The following ADAMTS16 variants were observed in gnomAD, a reference collection of about 807,000 sequenced individuals.
ADAMTS16 encodes A disintegrin and metalloproteinase with thrombospondin motifs 16.
Under a neutral mutation model 145.8 loss-of-function variants are expected in ADAMTS16, and 94 were observed. The observed-to-expected ratio is 0.64, with a 90% CI of 0.55 to 0.77. The LOEUF is 0.77. Ranked by LOEUF, ADAMTS16 falls within the 30% of genes least tolerant of loss-of-function variation. ADAMTS16 has a pLI of 0.00. For missense variants in ADAMTS16, 1,585 were observed against 1,591.5 expected (o/e 1.00, Z 0.07); for synonymous variants, 659 against 604.3 (o/e 1.09, Z -1.33).
chr5:5,201,168 G>C (rs549493330), intron 9 of ADAMTS16, among the ~76,000 whole-genome samples: 2 of 152,216 alleles, frequency 1.3e-5, no homozygotes, highest in East Asian at 1.9e-4. Context: ...GCCATCCGGG[G>C]ACTGAGGACA....
At chr5:5,272,332 G>T (rs549788136) in intron 18 of ADAMTS16, among the ~76,000 whole-genome samples, 2 of 151,462 alleles carry the variant, frequency 1.3e-5, no homozygotes, top group African/African-American at 4.8e-5. Context: ...TTTTATTCTC[G>T]GCTGTTGCTG....
chr5:5,236,269 A>C (rs1737101947), intron 13 of ADAMTS16, among the ~76,000 whole-genome samples: 1 of 151,606 alleles, frequency 6.6e-6, no homozygotes, highest in Non-Finnish European at 1.5e-5. Context: ...TTTCTAAGAC[A>C]GATGAAATTT....
chr5:5,305,072 C>T (rs1579405657), intron 20 of ADAMTS16, among the ~76,000 whole-genome samples: 1 of 77,898 alleles, frequency 1.3e-5, no homozygotes, highest in African/African-American at 4.8e-5. Flanking sequence ...ACCACACACA[C>T]ACACACACAT....
intron 5 of ADAMTS16, 50 bp downstream of exon 5, chr5:5,186,301 G>T (rs1303261510): frequency 2.0e-6 from 2 of 986,972 alleles, no homozygotes; most frequent in Non-Finnish European, 3.0e-6. Flanking sequence ...CACTTCGTAG[G>T]GTGTGTGTGT....
intron 10 of ADAMTS16, among the ~76,000 whole-genome samples, chr5:5,212,823 A>G (rs1736315296): frequency 6.6e-6 from 1 of 152,080 alleles, no homozygotes; most frequent in South Asian, 2.1e-4. Flanking sequence ...CTGTTTTACT[A>G]TTTGTTTTCT....
chr5:5,285,732 T>C (rs1465593481), intron 18 of ADAMTS16, among the ~76,000 whole-genome samples: 1 of 152,214 alleles, frequency 6.6e-6, no homozygotes, highest in Non-Finnish European at 1.5e-5. Context: ...TAGATGTTGA[T>C]TTCTTTAAGA....
At chr5:5,259,001 GA>G (rs1737899514) in intron 17 of ADAMTS16, among the ~76,000 whole-genome samples, 1 of 152,150 alleles carries the variant, frequency 6.6e-6, no homozygotes, top group African/African-American at 2.4e-5. Context: ...GAGCCGTTGT[GA>G]GGCCTTGGCT....
intron 11 of ADAMTS16, 51 bp from the exon 12 acceptor site, chr5:5,232,317 A>C (rs1272101364): frequency 1.2e-6 from 2 of 1,610,962 alleles, no homozygotes; most frequent in Admixed American, 1.7e-5. Context: ...AGATGAACCC[A>C]TCTATCCATC....
At position 5,303,272 on chromosome 5, in the gene ADAMTS16, T is replaced by C. The variant is rs1407959021; in HGVS notation, c.2794T>C (p.Ser932Pro). ...CKVSACPPSW[S>P]VGNWSACSRT... is the part of the protein sequence containing the mutation. Reference sequence around the variant, plus strand: ...GGTCTCTTTGTCCCTGCCCAGCTGGTCCGTGGGGAACTGGAGTGCCTGCAG... The same window carrying C: ...GGTCTCTTTGTCCCTGCCCAGCTGGCCCGTGGGGAACTGGAGTGCCTGCAG... Residue 932 changes from serine (S) to proline (P), a missense_variant, in exon 19 of 23, where the codon TCC becomes CCC. Transcript: ENST00000274181. The C allele has an allele frequency of 1.3e-6, 2 of 1,564,788 alleles. No individual in the cohort carries two copies. Among genetic ancestry groups the C allele is most frequent in the Middle Eastern group, 2.2e-4 (1 of 4,606 alleles).
At chr5:5,247,689 C>T (rs1023088990) in intron 17 of ADAMTS16, among the ~76,000 whole-genome samples, 18 of 152,236 alleles carry the variant, frequency 1.2e-4, no homozygotes, top group Admixed American at 3.9e-4. Context: ...CAGGTCTTAA[C>T]GTCTGCAAAT....
At chr5:5,207,420 T>C (rs1035363999) in intron 9 of ADAMTS16, among the ~76,000 whole-genome samples, 3 of 152,212 alleles carry the variant, frequency 2.0e-5, no homozygotes, top group Non-Finnish European at 4.4e-5. Context: ...AACTTATTAG[T>C]TCCAGGAGTT....
At chr5:5,302,316 C>T (rs1303336440) in intron 18 of ADAMTS16, among the ~76,000 whole-genome samples, 1 of 152,246 alleles carries the variant, frequency 6.6e-6, no homozygotes, top group East Asian at 1.9e-4. Flanking sequence ...AACACATTTA[C>T]AAGCATCAAC....
At chr5:5,168,437 C>T (rs1374156084) in intron 3 of ADAMTS16, among the ~76,000 whole-genome samples, 8 of 143,742 alleles carry the variant, frequency 5.6e-5, no homozygotes, top group Admixed American at 1.4e-4. Flanking sequence ...TTTTTAAAAA[C>T]TCTTCAAGTT....
intron 3 of ADAMTS16, among the ~76,000 whole-genome samples, chr5:5,163,098 C>T (rs1734785309): frequency 6.6e-6 from 1 of 152,124 alleles, no homozygotes; most frequent in Admixed American, 6.5e-5. Context: ...GAGGGTCTCA[C>T]CTGCAAATTG....
chr5:5,272,083 C>G (rs142922351), intron 18 of ADAMTS16, among the ~76,000 whole-genome samples: 1 of 151,970 alleles, frequency 6.6e-6, no homozygotes, highest in Admixed American at 6.6e-5. Context: ...GATCTGAGGC[C>G]GTGAAAATAC....
At chr5:5,143,493 G>A (rs1397865356) in intron 2 of ADAMTS16, among the ~76,000 whole-genome samples, 1 of 152,200 alleles carries the variant, frequency 6.6e-6, no homozygotes, top group African/African-American at 2.4e-5. Flanking sequence ...ATTCTGGAGA[G>A]GATGTGGAGA....
intron 10 of ADAMTS16, among the ~76,000 whole-genome samples, chr5:5,218,024 G>A (rs1427217963): frequency 6.6e-6 from 1 of 152,062 alleles, no homozygotes; most frequent in Non-Finnish European, 1.5e-5. Flanking sequence ...CCAACTGCCT[G>A]GACTCTAGAA....
chr5:5,222,598 T>C (rs943703664), intron 10 of ADAMTS16, among the ~76,000 whole-genome samples, 191 bp from the exon 11 acceptor site: 1 of 152,224 alleles, frequency 6.6e-6, no homozygotes, highest in African/African-American at 2.4e-5. Context: ...AGAGATGGAA[T>C]TAATTTGAAC....
Position 5,186,127 on chromosome 5 carries a change from C to G in ADAMTS16, c.839C>G (p.Ser280Cys), listed in dbSNP as rs771465976. Residue 280 changes from serine (S) to cysteine (C), a missense_variant, in exon 5 of 23, where the codon TCT (serine) becomes TGT (cysteine). By Grantham distance (112) the Ser-to-Cys change is moderately radical. Transcript: ENST00000274181. ...AAGTCTTGCTTACGGCATAAGCGCT[C>G]TCTTCTGAGGTCCCATAGAAATGAA... ...EYKSCLRHKR[S>C]LLRSHRNEEL... 2 of 1,614,134 alleles carry G rather than the reference C, an allele frequency of 1.2e-6. No individual in the cohort carries two copies. The highest frequency in any genetic ancestry group is 2.2e-5 in the South Asian group (2 of 91,076).
Sources: allele counts gnomAD v4.1 joint callset (sites outside exome capture counted in the v4.1 genomes callset), GRCh38; gene constraint gnomAD v4.1.1; transcripts MANE v1.5; gene names NCBI Gene and HGNC (gene_info 2026-07-23, HGNC 2026-07-21).